LHFPL3: variants seen among roughly 807,000 people sequenced by gnomAD.
The protein encoded by LHFPL3 is LHFPL tetraspan subfamily member 3, also known as LHFPL tetraspan subfamily member 3 protein.
LHFPL3 carries 5 observed loss-of-function variants against 19.3 expected under a neutral mutation model. The observed-to-expected ratio is 0.26, with a 90% CI of 0.14 to 0.54. LHFPL3 has a LOEUF of 0.54. LHFPL3 is among the 20% of genes least tolerant of loss of function. LHFPL3 has a pLI of 0.94. For missense variants in LHFPL3, 249 were observed against 307.4 expected (o/e 0.81, Z 1.42); for synonymous variants, 133 against 126.2 (o/e 1.05, Z -0.36).
chr7:104,465,567 G>A (rs1460757329), intron 1 of LHFPL3, among the ~76,000 whole-genome samples: 1 of 152,220 alleles, frequency 6.6e-6, no homozygotes, highest in African/African-American at 2.4e-5. Context: ...TAGCAGAAAG[G>A]GAAGCAAGCA....
intron 2 of LHFPL3, among the ~76,000 whole-genome samples, chr7:104,742,325 G>C (rs1418017861): frequency 1.3e-5 from 2 of 152,118 alleles, no homozygotes; most frequent in Admixed American, 6.6e-5. Context: ...AAGTTACTTT[G>C]TCTTCTAGCA....
chr7:104,371,671 A>G (rs986496953), intron 1 of LHFPL3, among the ~76,000 whole-genome samples: 6 of 151,988 alleles, frequency 3.9e-5, no homozygotes, highest in Non-Finnish European at 5.9e-5. Flanking sequence ...ATGAGTCACA[A>G]TGTAAATGTT....
intron 1 of LHFPL3, among the ~76,000 whole-genome samples, chr7:104,588,890 G>C (rs1344993578): frequency 7.8e-6 from 1 of 128,608 alleles, no homozygotes; most frequent in Non-Finnish European, 1.6e-5. Context: ...TTGTGAATGG[G>C]AATTCACTCA....
intron 1 of LHFPL3, among the ~76,000 whole-genome samples, chr7:104,607,089 C>A (rs1357264830): frequency 6.6e-6 from 1 of 152,238 alleles, no homozygotes; most frequent in Non-Finnish European, 1.5e-5. Context: ...ATGCCTACAT[C>A]TTAGCGGAGT....
At chr7:104,855,714 C>G (rs1355266020) in intron 2 of LHFPL3, among the ~76,000 whole-genome samples, 1 of 151,902 alleles carries the variant, frequency 6.6e-6, no homozygotes, top group Non-Finnish European at 1.5e-5. Context: ...ACCTCCACCT[C>G]CTGGATTCAA....
rs11454604 is a variant in LHFPL3 at position 104,775,852 on chromosome 7, C to CTT, written c.682+38952_682+38953dup. 4.7e-3 allele frequency among the ~76,000 whole-genome samples: 686 copies of CTT among 146,584 alleles called. 3 individuals are homozygous for CTT. The highest frequency in any genetic ancestry group is 0.011 in the African/African-American group (429 of 40,124). On this transcript the variant is annotated intron_variant, in intron 2 of 2. Transcript: ENST00000424859. Reference sequence around the variant, plus strand: ...AGGTTCCCTGGGAGTTCTTTTCTGTCTTTTTTTTTTTTCTCAGCTTATCAG... The same window carrying CTT: ...AGGTTCCCTGGGAGTTCTTTTCTGTCTTTTTTTTTTTTTTCTCAGCTTATCAG...
intron 1 of LHFPL3, among the ~76,000 whole-genome samples, chr7:104,610,557 G>A (rs562494266): frequency 6.6e-6 from 1 of 152,136 alleles, no homozygotes; most frequent in African/African-American, 2.4e-5. Flanking sequence ...AGAACCAGGA[G>A]AGCCACTAGT....
At chr7:104,748,763 C>A (rs186368538) in intron 2 of LHFPL3, among the ~76,000 whole-genome samples, 1 of 152,110 alleles carries the variant, frequency 6.6e-6, no homozygotes, top group African/African-American at 2.4e-5. Flanking sequence ...ATATGCTGAA[C>A]GCTGGTTCCC....
At chr7:104,484,228 T>C (rs894699307) in intron 1 of LHFPL3, among the ~76,000 whole-genome samples, 8 of 152,194 alleles carry the variant, frequency 5.3e-5, no homozygotes, top group Non-Finnish European at 1.0e-4. Flanking sequence ...TTCGTTTACC[T>C]GTGGCTCCAA....
chr7:104,426,560 T>G (rs1483560600), intron 1 of LHFPL3, among the ~76,000 whole-genome samples: 2 of 152,084 alleles, frequency 1.3e-5, no homozygotes, highest in Non-Finnish European at 2.9e-5. Context: ...CTGGCTGGTG[T>G]TCTACACTAT....
chr7:104,498,851 A>C (rs1412570992), intron 1 of LHFPL3, among the ~76,000 whole-genome samples: 13 of 152,226 alleles, frequency 8.5e-5, no homozygotes, highest in Non-Finnish European at 2.9e-5. Flanking sequence ...CTCAGGACAC[A>C]GATAGGTCCA....
intron 1 of LHFPL3, chr7:104,668,405 C>T (rs1792402039): frequency 6.2e-7 from 1 of 1,600,680 alleles, no homozygotes; most frequent in Non-Finnish European, 8.6e-7. Context: ...GTGATGATAG[C>T]TTTGGAGACA....
chr7:104,452,942 C>T (rs1321918139), intron 1 of LHFPL3, among the ~76,000 whole-genome samples: 4 of 152,120 alleles, frequency 2.6e-5, no homozygotes, highest in Non-Finnish European at 5.9e-5. Context: ...GAAGCACCCA[C>T]CCCTTACTTT....
intron 1 of LHFPL3, chr7:104,668,217 A>G (rs908865467): frequency 6.8e-6 from 11 of 1,613,482 alleles, no homozygotes; most frequent in Non-Finnish European, 8.5e-6. Context: ...CCTGAGTCTC[A>G]ATGAAGAGTC....
chr7:104,363,948 A>G (rs1790437614), intron 1 of LHFPL3, among the ~76,000 whole-genome samples: 1 of 152,240 alleles, frequency 6.6e-6, no homozygotes, highest in African/African-American at 2.4e-5. Flanking sequence ...TCAGCAGATC[A>G]TCAAGGCTTG....
At position 104,334,529 on chromosome 7, in the gene LHFPL3, A is replaced by G. The variant is rs558158725; in HGVS notation, c.445+5305A>G. On this transcript the variant is annotated intron_variant, in intron 1 of 2. Transcript: ENST00000424859. Reference sequence around the variant, plus strand: ...GCTACTGCACTCCAGACTGGGCAGCAGAGTGAGACTCCATCTCAAAAGAAA... The same window carrying G: ...GCTACTGCACTCCAGACTGGGCAGCGGAGTGAGACTCCATCTCAAAAGAAA... 8.0e-4 allele frequency among the ~76,000 whole-genome samples: 122 copies of G among 152,372 alleles called. 1 individual carries two copies. The highest frequency in any genetic ancestry group is 2.7e-3 in the African/African-American group (111 of 41,588).
intron 1 of LHFPL3, among the ~76,000 whole-genome samples, chr7:104,606,500 C>T (rs948520558): frequency 6.6e-5 from 10 of 152,170 alleles, no homozygotes; most frequent in South Asian, 2.1e-4. Flanking sequence ...ACTTAGGTTT[C>T]GGTAAAAAGG....
intron 1 of LHFPL3, chr7:104,623,082 A>T (rs1791478898): frequency 4.0e-6 from 1 of 251,400 alleles, no homozygotes; most frequent in Non-Finnish European, 8.4e-6. Flanking sequence ...TCTTCTTTAG[A>T]GAAATGCCTA....
intron 2 of LHFPL3, among the ~76,000 whole-genome samples, chr7:104,788,388 T>C (rs1471353024): frequency 6.6e-6 from 1 of 152,220 alleles, no homozygotes; most frequent in Non-Finnish European, 1.5e-5. Context: ...ACTCCTCTGT[T>C]AACTTAGCAC....
Sources: allele counts gnomAD v4.1 joint callset (sites outside exome capture counted in the v4.1 genomes callset), GRCh38; gene constraint gnomAD v4.1.1; transcripts MANE v1.5; gene names NCBI Gene and HGNC (gene_info 2026-07-23, HGNC 2026-07-21).